The following TRAPPC9 variants were observed in gnomAD, a reference collection of about 807,000 sequenced individuals.
The protein encoded by TRAPPC9 is IKK2 binding protein.
A neutral mutation model predicts 124.0 loss-of-function variants in TRAPPC9; 83 were observed. That is an observed-to-expected ratio of 0.67 (90% CI 0.56 to 0.80). TRAPPC9 has a LOEUF of 0.80. Among genes scored for constraint, TRAPPC9 ranks in the 30% least tolerant of loss-of-function variants. The pLI is 0.00. For synonymous variants in TRAPPC9, 638 were observed against 617.5 expected, an observed-to-expected ratio of 1.03 and a Z score of -0.49; for missense variants, 1,302 against 1,508.3, an observed-to-expected ratio of 0.86 and a Z score of 2.27.
chr8:140,162,790 C>T (rs2061773129), intron 17 of TRAPPC9, among the ~76,000 whole-genome samples: 1 of 152,124 alleles, frequency 6.6e-6, no homozygotes, highest in African/African-American at 2.4e-5. Flanking sequence ...GAGTTTGAGA[C>T]CAGCCTGGGC....
At chr8:140,016,084 G>C (rs75037527) in intron 18 of TRAPPC9, among the ~76,000 whole-genome samples, 5,841 of 152,150 alleles carry the variant, frequency 0.038, 382 homozygotes, top group African/African-American at 0.13. Context: ...TTAGTACAAC[G>C]TTTCATTTTT....
chr8:139,829,388 GTC>G (rs2130831487), intron 21 of TRAPPC9, among the ~76,000 whole-genome samples: 1 of 152,394 alleles, frequency 6.6e-6, no homozygotes, highest in Non-Finnish European at 1.5e-5. Flanking sequence ...CAAAGCAGTA[GTC>G]TCTGTCTTAG....
intron 17 of TRAPPC9, among the ~76,000 whole-genome samples, chr8:140,188,581 G>GATCT (rs1171183433): frequency 6.6e-6 from 1 of 152,168 alleles, no homozygotes; most frequent in Non-Finnish European, 1.5e-5. Flanking sequence ...TGATGGCACA[G>GATCT]ATCTCCCGAC....
At chr8:140,363,641 A>T (rs1588219233) in intron 8 of TRAPPC9, among the ~76,000 whole-genome samples, 1 of 151,174 alleles carries the variant, frequency 6.6e-6, no homozygotes, top group East Asian at 1.9e-4. Flanking sequence ...CTTGTTGCCC[A>T]GGCTGGAGTG....
At chr8:139,857,670 C>A (rs1282301014) in intron 21 of TRAPPC9, among the ~76,000 whole-genome samples, 1 of 152,238 alleles carries the variant, frequency 6.6e-6, no homozygotes, top group Non-Finnish European at 1.5e-5. Flanking sequence ...CGTCTGACCA[C>A]CTCTGCCTCC....
intron 20 of TRAPPC9, among the ~76,000 whole-genome samples, chr8:139,901,559 T>C (rs1173803246): frequency 1.3e-5 from 2 of 152,292 alleles, no homozygotes; most frequent in East Asian, 3.9e-4. Flanking sequence ...GCTGCAAATC[T>C]TGCCTGGGTG....
intron 16 of TRAPPC9, among the ~76,000 whole-genome samples, chr8:140,240,867 C>T (rs1320747813): frequency 6.6e-6 from 1 of 152,170 alleles, no homozygotes; most frequent in Non-Finnish European, 1.5e-5. Context: ...ACAGAGTTTC[C>T]CATCATACCA....
chr8:140,005,592 A>G (rs1381374), intron 18 of TRAPPC9, among the ~76,000 whole-genome samples: 97,129 of 151,288 alleles, frequency 0.64, 31,711 homozygotes, highest in African/African-American at 0.78. Flanking sequence ...TTATTGGGGG[A>G]AACTTCCAGG....
intron 6 of TRAPPC9, among the ~76,000 whole-genome samples, chr8:140,402,300 G>A (rs1204505101): frequency 6.6e-6 from 1 of 151,920 alleles, no homozygotes; most frequent in Non-Finnish European, 1.5e-5. Flanking sequence ...AGGAGGATGA[G>A]GGTGGGAGGA....
chr8:140,441,217 G>A (rs1403828411), intron 2 of TRAPPC9, among the ~76,000 whole-genome samples: 1 of 152,002 alleles, frequency 6.6e-6, no homozygotes, highest in African/African-American at 2.4e-5. Flanking sequence ...CTGGGCTCAA[G>A]TGATCCTCTT....
chr8:140,342,632 A>C (rs1036079288), intron 9 of TRAPPC9, among the ~76,000 whole-genome samples: 2 of 152,208 alleles, frequency 1.3e-5, no homozygotes, highest in African/African-American at 4.8e-5. Flanking sequence ...GTAACACAGC[A>C]ATGCAGATGC....
At chr8:139,945,258 G>C (rs1834136598) in intron 19 of TRAPPC9, among the ~76,000 whole-genome samples, 1 of 151,968 alleles carries the variant, frequency 6.6e-6, no homozygotes, top group Non-Finnish European at 1.5e-5. Context: ...ATTGCAAAAG[G>C]CATCCTTTGC....
intron 19 of TRAPPC9, among the ~76,000 whole-genome samples, chr8:139,928,739 C>T (rs1186283204): frequency 6.6e-6 from 1 of 151,140 alleles, no homozygotes; most frequent in African/African-American, 2.4e-5. Flanking sequence ...GCCCTCTCTC[C>T]ACTCCTGAGA....
intron 4 of TRAPPC9, among the ~76,000 whole-genome samples, chr8:140,426,975 G>GA (rs1346338172): frequency 5.3e-5 from 8 of 151,516 alleles, no homozygotes; most frequent in Non-Finnish European, 1.0e-4. Context: ...GCCCAGGCTG[G>GA]AGTGCAGTGG....
At chr8:139,770,276 A>T (rs956684584) in intron 21 of TRAPPC9, among the ~76,000 whole-genome samples, 5 of 152,218 alleles carry the variant, frequency 3.3e-5, no homozygotes, top group African/African-American at 1.2e-4. Context: ...CCGACCTTGT[A>T]TGCTGGGCTG....
rs1359235687 is a variant in TRAPPC9 at position 139,947,920 on chromosome 8, A to AGAGAGAGAGAGAGAGAGC, written c.2811-37621_2811-37620insGCTCTCTCTCTCTCTCTC. 3.4e-5 allele frequency among the ~76,000 whole-genome samples: 2 copies of AGAGAGAGAGAGAGAGAGC among 58,788 alleles called. 1 individual carries two copies. Among genetic ancestry groups the AGAGAGAGAGAGAGAGAGC allele is most frequent in the Non-Finnish European group, 7.1e-5 (2 of 28,350 alleles). 38.6% of individuals were successfully genotyped at this position (58,788 alleles called of 152,430 possible). ...TATATATATATATAGAGAGAGAGAGAGAGCGAGAGAGAGAGAGAGAGAGAG... is the reference window on the plus strand; with the variant it reads ...TATATATATATATAGAGAGAGAGAGAGAGAGAGAGAGAGAGAGCGAGCGAGAGAGAGAGAGAGAGAGAG... On this transcript the variant is annotated intron_variant, in intron 19 of 22. Coordinates refer to ENST00000438773, the MANE Select transcript of TRAPPC9 (RefSeq NM_001160372.4).
At chr8:139,969,508 C>T (rs776263121) in intron 19 of TRAPPC9, among the ~76,000 whole-genome samples, 1 of 152,228 alleles carries the variant, frequency 6.6e-6, no homozygotes, top group East Asian at 1.9e-4. Flanking sequence ...ATCCTAGCAG[C>T]GCCACCTGGG....
intron 17 of TRAPPC9, among the ~76,000 whole-genome samples, chr8:140,105,104 C>T (rs550324173): frequency 1.2e-4 from 18 of 152,316 alleles, no homozygotes; most frequent in South Asian, 2.1e-4. Flanking sequence ...CTTCTACCCT[C>T]CCCCAGGTCT....
At chr8:140,282,070 A>G (rs1173411784) in intron 14 of TRAPPC9, among the ~76,000 whole-genome samples, 1 of 152,248 alleles carries the variant, frequency 6.6e-6, no homozygotes, top group African/African-American at 2.4e-5. Flanking sequence ...CTACAGCCCC[A>G]TCACCCAGCA....
Sources: allele counts gnomAD v4.1 joint callset (sites outside exome capture counted in the v4.1 genomes callset), GRCh38; gene constraint gnomAD v4.1.1; transcripts MANE v1.5; gene names NCBI Gene and HGNC (gene_info 2026-07-23, HGNC 2026-07-21).